Variants in PTPN3 observed in about 807,000 individuals in gnomAD.
PTPN3 encodes the protein protein tyrosine phosphatase non-receptor type 3.
Under a neutral mutation model 132.7 loss-of-function variants are expected in PTPN3, and 96 were observed. That is an observed-to-expected ratio of 0.72 (90% CI 0.61 to 0.86). The LOEUF (loss-of-function observed/expected upper bound fraction) is 0.86, where lower values mean the gene tolerates loss of function less well. PTPN3 is among the 40% of genes least tolerant of loss of function. The probability of loss-of-function intolerance (pLI) is 0.00; values close to 1 mark genes in which losing one functional copy is unlikely to be tolerated. For synonymous variants in PTPN3, 398 were observed against 429.0 expected (o/e 0.93, Z 0.89); for missense variants, 1,125 against 1,159.6 (o/e 0.97, Z 0.43).
rs374382304 is a variant in PTPN3 at position 109,472,712 on chromosome 9, TG to T, written c.-17-9262del. Among the ~76,000 whole-genome samples the T allele has an allele frequency of 5.3e-3, 807 of 152,334 alleles. 7 individuals are homozygous for T. The highest frequency in any genetic ancestry group is 0.019 in the African/African-American group (777 of 41,584). The stretch of plus-strand genomic sequence containing the variant: ...TTCTGCCATTTTTAGCCTGCTTTCT[TG>T]GCTTTTAAATTTTCCAAAGTACAAT... On this transcript the variant is annotated intron_variant, in intron 1 of 25. Coordinates refer to ENST00000374541, the MANE Select transcript of PTPN3 (RefSeq NM_002829.4).
At chr9:109,380,013 G>A (rs181109108) in intron 25 of PTPN3, among the ~76,000 whole-genome samples, 84 of 152,300 alleles carry the variant, frequency 5.5e-4, no homozygotes, top group African/African-American at 2.0e-3. Context: ...GGAGGAGGAG[G>A]GGCTGCACAG....
chr9:109,456,867 G>A (rs1001052538), intron 4 of PTPN3, among the ~76,000 whole-genome samples: 5 of 152,106 alleles, frequency 3.3e-5, no homozygotes, highest in African/African-American at 1.2e-4. Context: ...CTCTCACATC[G>A]GGCTAAGTAA....
chr9:109,483,493 G>C (rs75113691), intron 1 of PTPN3, among the ~76,000 whole-genome samples: 5,323 of 152,246 alleles, frequency 0.035, 200 homozygotes, highest in East Asian at 0.22. Flanking sequence ...GAGAGAGAGG[G>C]ATGCAGAAAT....
At chr9:109,482,351 G>C (rs1327991988) in intron 1 of PTPN3, among the ~76,000 whole-genome samples, 2 of 152,184 alleles carry the variant, frequency 1.3e-5, no homozygotes, top group African/African-American at 4.8e-5. Context: ...ACAGCCACAG[G>C]ATGTCTGTGT....
chr9:109,412,229 G>C (rs950868914), intron 14 of PTPN3, among the ~76,000 whole-genome samples: 3 of 151,678 alleles, frequency 2.0e-5, no homozygotes, highest in African/African-American at 7.3e-5. Context: ...TTTCTTTTGA[G>C]GTAGGGTAAA....
Position 109,450,797 on chromosome 9 carries a change from CCT to C in PTPN3, c.369-1944_369-1943del. The C allele has an allele frequency of 5.1e-6, 5 of 985,436 alleles. 1 individual carries two copies. In the South Asian group the frequency reaches 2.3e-4, roughly 46 times the overall value. 61.0% of individuals were successfully genotyped at this position (985,436 alleles called of 1,614,324 possible). A position where few individuals can be genotyped will look rare whatever the true frequency, so the allele number is the denominator to read the frequency against. On this transcript the variant is annotated intron_variant, in intron 5 of 25. Coordinates refer to ENST00000374541, the MANE Select transcript of PTPN3 (RefSeq NM_002829.4). ...ATGCCTAACTTCAGAAATGTAATGA[CCT>C]CTCTTGTGGGTACCCCACCTGTGAC...
At chr9:109,501,447 T>A (rs1847863471), upstream of PTPN3, among the ~76,000 whole-genome samples, 2 of 152,204 alleles carry the variant, frequency 1.3e-5, no homozygotes, top group Non-Finnish European at 2.9e-5. Flanking sequence ...TTTGCCTTAT[T>A]TTCTCTACCC....
chr9:109,428,500 A>T, intron 11 of PTPN3, 121 bp downstream of exon 11: 1 of 978,820 alleles, frequency 1.0e-6, no homozygotes, highest in Non-Finnish European at 1.5e-6. Context: ...AGTCCCAGCT[A>T]CTTGGGAGGC....
chr9:109,391,107 C>G, intron 21 of PTPN3, 31 bp downstream of exon 21: 2 of 1,592,570 alleles, frequency 1.3e-6, no homozygotes, highest in Non-Finnish European at 1.7e-6. Context: ...GGTGAATGTG[C>G]TCTTAAGCAT....
upstream of PTPN3, among the ~76,000 whole-genome samples, chr9:109,500,170 T>C (rs559043750): frequency 8.7e-4 from 132 of 152,380 alleles, no homozygotes; most frequent in Non-Finnish European, 1.7e-3. Context: ...TGAACGTGTT[T>C]AGACCACCTT....
chr9:109,478,133 A>C (rs1295917385), intron 1 of PTPN3, among the ~76,000 whole-genome samples: 1 of 152,176 alleles, frequency 6.6e-6, no homozygotes, highest in Non-Finnish European at 1.5e-5. Flanking sequence ...GCTGTGAAAA[A>C]GGGGGATCTG....
upstream of PTPN3, among the ~76,000 whole-genome samples, chr9:109,499,896 C>G (rs908890314): frequency 5.3e-5 from 8 of 152,156 alleles, no homozygotes; most frequent in African/African-American, 1.9e-4. Context: ...AACCTGGAGC[C>G]GCGGCGCCCG....
chr9:109,509,600 C>T, the PTPN3 span, among the ~76,000 whole-genome samples: 1 of 152,148 alleles, frequency 6.6e-6, no homozygotes, highest in Non-Finnish European at 1.5e-5. Flanking sequence ...CATTGGGTTG[C>T]CTTATTGATA....
intron 1 of PTPN3, among the ~76,000 whole-genome samples, chr9:109,494,989 C>T (rs1207978386): frequency 6.6e-6 from 1 of 152,060 alleles, no homozygotes; most frequent in Non-Finnish European, 1.5e-5. Flanking sequence ...GAACCCATTA[C>T]CAAATCAGTT....
At chr9:109,450,603 A>G in intron 5 of PTPN3, 1 of 985,076 alleles carries the variant, frequency 1.0e-6, no homozygotes, top group Non-Finnish European at 1.2e-6. Flanking sequence ...CGAGCTTGGG[A>G]GACTTCCTAG....
At chr9:109,400,805 A>G (rs1841024136) in intron 19 of PTPN3, among the ~76,000 whole-genome samples, 1 of 152,246 alleles carries the variant, frequency 6.6e-6, no homozygotes, top group South Asian at 2.1e-4. Context: ...GCACATAGTA[A>G]GTGCTCATGA....
chr9:109,388,108 G>A (rs1839753773), intron 22 of PTPN3, among the ~76,000 whole-genome samples: 1 of 152,186 alleles, frequency 6.6e-6, no homozygotes, highest in Admixed American at 6.5e-5. Context: ...TGGTATAGGA[G>A]AAAACAAATG....
Position 109,420,598 on chromosome 9 carries a change from C to A in PTPN3, c.1139G>T (p.Arg380Leu). The change falls in exon 14 of 26, where the codon CGA becomes CTA. Residue 380 changes from arginine to leucine, a missense_variant and splice_region_variant. Transcript: ENST00000374541. Reference sequence around the variant, plus strand: ...GATTTCGTGCCGGAGCCGAGGACTTCGCCTGGGTGGGAAAAACGTTGAGTG... The same window carrying A: ...GATTTCGTGCCGGAGCCGAGGACTTAGCCTGGGTGGGAAAAACGTTGAGTG... The part of the protein sequence containing the change: ...SRSPPITPNW[R>L]SPRLRHEIRK... 1.9e-6 allele frequency: 3 copies of A among 1,604,316 alleles called. No homozygotes were observed. Among genetic ancestry groups the A allele is most frequent in the Non-Finnish European group, 2.6e-6 (3 of 1,173,878 alleles).
At chr9:109,534,227 C>G in the PTPN3 span, 1 of 1,428,800 alleles carries the variant, frequency 7.0e-7, no homozygotes, top group Admixed American at 1.7e-5. Context: ...CCACCGTTTC[C>G]TGTGCCGCTG....
Sources: gnomAD v4.1 joint callset for allele counts (sites outside exome capture counted in the v4.1 genomes callset) on GRCh38, gnomAD v4.1.1 for gene constraint, MANE v1.5 for transcripts, NCBI Gene and HGNC (gene_info 2026-07-23, HGNC 2026-07-21) for gene names.